The following ITGA6 variants were observed in gnomAD, a reference collection of about 807,000 sequenced individuals.
The protein encoded by ITGA6 is integrin alpha-6.
A neutral mutation model predicts 133.6 loss-of-function variants in ITGA6; 63 were observed. The ratio of observed to expected loss-of-function variants is 0.47; its 90% confidence interval spans 0.38 to 0.58. The LOEUF (loss-of-function observed/expected upper bound fraction) is 0.58. Ranked by LOEUF, ITGA6 falls within the 20% of genes least tolerant of loss-of-function variation. The pLI is 0.00. For missense variants in ITGA6, 1,068 were observed against 1,309.4 expected, an observed-to-expected ratio of 0.82 and a Z score of 2.85; for synonymous variants, 434 against 482.0, an observed-to-expected ratio of 0.90 and a Z score of 1.30.
intron 5 of ITGA6, chr2:172,472,923 C>A: frequency 2.2e-6 from 3 of 1,358,464 alleles, no homozygotes; most frequent in Non-Finnish European, 3.2e-6. Context: ...AATAAATTGT[C>A]TTGGTTGTGG....
intron 24 of ITGA6, among the ~76,000 whole-genome samples, chr2:172,499,482 G>A (rs998094449): frequency 6.6e-6 from 1 of 152,030 alleles, no homozygotes; most frequent in East Asian, 1.9e-4. Context: ...CTCCCACCTC[G>A]GCCTCCTGAG....
chr2:172,431,614 G>A (rs1187626649), intron 1 of ITGA6, among the ~76,000 whole-genome samples: 1 of 152,198 alleles, frequency 6.6e-6, no homozygotes, highest in African/African-American at 2.4e-5. Context: ...CTGTATTCAG[G>A]ATGTGTACCT....
intron 5 of ITGA6, among the ~76,000 whole-genome samples, chr2:172,472,585 C>T (rs1404036941): frequency 6.6e-6 from 1 of 152,168 alleles, no homozygotes; most frequent in African/African-American, 2.4e-5. Context: ...TGGAATCTGT[C>T]ACTTCAAAAG....
intron 1 of ITGA6, among the ~76,000 whole-genome samples, chr2:172,446,786 T>C (rs554634830): frequency 6.6e-6 from 1 of 152,210 alleles, no homozygotes; most frequent in Non-Finnish European, 1.5e-5. Context: ...TATCAGAACT[T>C]GGACTTTCAT....
At chr2:172,501,522 C>T (rs1232126173) in intron 24 of ITGA6, among the ~76,000 whole-genome samples, 2 of 152,146 alleles carry the variant, frequency 1.3e-5, no homozygotes, top group Non-Finnish European at 2.9e-5. Flanking sequence ...CACAAGATTT[C>T]TGTTACAAAG....
intron 1 of ITGA6, among the ~76,000 whole-genome samples, chr2:172,442,076 G>A (rs935473339): frequency 3.9e-5 from 6 of 152,138 alleles, no homozygotes; most frequent in African/African-American, 1.2e-4. Context: ...AACTAGGCTC[G>A]GATTTGCCTG....
At chr2:172,484,532 A>G (rs1415269408) in intron 11 of ITGA6, among the ~76,000 whole-genome samples, 1 of 151,182 alleles carries the variant, frequency 6.6e-6, no homozygotes, top group African/African-American at 2.4e-5. Context: ...AAAGGTTTTA[A>G]CTTATTCTTG....
chr2:172,475,734 C>A, intron 8 of ITGA6, 49 bp downstream of exon 8: 2 of 1,020,688 alleles, frequency 2.0e-6, no homozygotes, highest in South Asian at 1.3e-5. Context: ...ACTTTTTGCC[C>A]TATAATAAAA....
intron 23 of ITGA6, among the ~76,000 whole-genome samples, chr2:172,496,836 T>TAA (rs1687146367): frequency 6.6e-6 from 1 of 152,256 alleles, no homozygotes; most frequent in Non-Finnish European, 1.5e-5. Flanking sequence ...GTTGTTGGAA[T>TAA]TGCCAGAAGC....
chr2:172,456,682 G>A lies in ITGA6; in HGVS notation c.183-8857G>A, dbSNP rs186378405. On this transcript the variant is annotated intron_variant, in intron 1 of 25. Transcript: ENST00000684293. ...GGGCCTCAGCACCCCCAGGAAGAGA[G>A]GGATTGTCCCAGGTGCCCTTGCTAG... is the stretch of plus-strand genomic sequence containing the variant. Among the ~76,000 whole-genome samples, 427 of 152,316 alleles carry A rather than the reference G, an allele frequency of 2.8e-3. 7 individuals carry two copies. The highest frequency in any genetic ancestry group is 8.5e-3 in the East Asian group (44 of 5,176).
intron 1 of ITGA6, among the ~76,000 whole-genome samples, chr2:172,444,537 T>G (rs1684672173): frequency 6.6e-6 from 1 of 151,974 alleles, no homozygotes. Flanking sequence ...ATTTTGGATT[T>G]TTAGATTTGG....
chr2:172,475,672 C>A lies in ITGA6; in HGVS notation c.1256C>A (p.Thr419Asn). 1 of 1,587,752 alleles carries A rather than the reference C, an allele frequency of 6.3e-7. No individual in the cohort carries two copies. Among genetic ancestry groups the A allele is most frequent in the Non-Finnish European group, 8.6e-7 (1 of 1,156,084 alleles). The change falls in exon 8 of 26, where the codon ACC becomes AAC. Residue 419 changes from threonine (T) to asparagine (N), a missense_variant. Coordinates refer to ENST00000684293, the MANE Select transcript of ITGA6 (RefSeq NM_000210.4). ...IYHGSANGIN[T>N]KPTQVLKGIS... ...CATGGATCTGCAAATGGAATAAATA[C>A]CAAACCAACACAGGTAACCAAATAA...
In ITGA6 at chr2:172,504,376, C is replaced by T. The variant is rs555954477; in HGVS notation, c.*308C>T. On this transcript the variant is annotated 3_prime_UTR_variant, in exon 26 of 26. Coordinates refer to ENST00000684293, the MANE Select transcript of ITGA6 (RefSeq NM_000210.4). ...GATTTCAGAGTGACTACACACAGTA[C>T]GAACCTACAGTTTTAACTGTGGATA... 18 of 674,948 alleles carry T rather than the reference C, an allele frequency of 2.7e-5. No individual in the cohort carries two copies. The South Asian group carries it at 2.7e-4, about 10-fold the overall frequency. The allele number at this position is 674,948 out of a possible 1,614,324, so 41.8% of individuals were successfully genotyped here.
chr2:172,485,368 A>G, intron 13 of ITGA6, 104 bp downstream of exon 13: 1 of 1,022,060 alleles, frequency 9.8e-7, no homozygotes, highest in South Asian at 1.3e-5. Flanking sequence ...TTTAAAGGCC[A>G]TTCTTTTGTG....
intron 3 of ITGA6, 70 bp from the exon 4 acceptor site, chr2:172,469,055 A>G (rs1399034465): frequency 2.6e-6 from 4 of 1,516,428 alleles, no homozygotes; most frequent in Non-Finnish European, 3.7e-6. Flanking sequence ...TGACCATTTT[A>G]TTCATATGTA....
chr2:172,442,707 C>T (rs1384308716), intron 1 of ITGA6, among the ~76,000 whole-genome samples: 1 of 152,184 alleles, frequency 6.6e-6, no homozygotes, highest in Non-Finnish European at 1.5e-5. Flanking sequence ...GCCTGGCGCA[C>T]AGTAGGTACG....
In ITGA6 at chr2:172,461,486, A is replaced by G. The variant is rs139907189; in HGVS notation, c.183-4053A>G. ...CTCAGGCTCTGCTCTGTTAATTTCT[A>G]TCACCTCCCTACAAAGGCCCTAACT... On this transcript the variant is annotated intron_variant, in intron 1 of 25. Transcript: ENST00000684293. Among the ~76,000 whole-genome samples the G allele has an allele frequency of 3.5e-4, 54 of 152,254 alleles. No homozygotes were observed. In the Middle Eastern group the frequency reaches 0.01, roughly 29 times the overall value.
intron 9 of ITGA6, among the ~76,000 whole-genome samples, chr2:172,478,684 C>G (rs1192266338): frequency 5.3e-5 from 8 of 152,162 alleles, no homozygotes; most frequent in Non-Finnish European, 1.2e-4. Context: ...TGCGGGGTTG[C>G]AGTAGGCAGC....
At chr2:172,504,009 A>T (rs894461343) in intron 25 of ITGA6, 82 bp from the exon 26 acceptor site, 1 of 1,101,936 alleles carries the variant, frequency 9.1e-7, no homozygotes, top group Non-Finnish European at 1.3e-6. Context: ...ATAGCTGAAC[A>T]GAAAGCTTAG....
Sources: allele counts gnomAD v4.1 joint callset (sites outside exome capture counted in the v4.1 genomes callset), GRCh38; gene constraint gnomAD v4.1.1; transcripts MANE v1.5; gene names NCBI Gene and HGNC (gene_info 2026-07-23, HGNC 2026-07-21).